MED12L: variants seen among roughly 807,000 people sequenced by gnomAD.
The protein encoded by MED12L is mediator of RNA polymerase II transcription subunit 12-like protein.
In MED12L, 60 loss-of-function variants were observed where a neutral mutation model predicts 281.3. The observed-to-expected ratio is 0.21, with a 90% confidence interval of 0.17 to 0.26. The LOEUF is 0.26. MED12L is among the 10% of genes least tolerant of loss of function. The probability of loss-of-function intolerance (pLI) is 1.00; values close to 1 mark genes in which losing one functional copy is unlikely to be tolerated. For synonymous variants in MED12L, 974 were observed against 987.2 expected, an observed-to-expected ratio of 0.99 and a Z score of 0.25; for missense variants, 2,146 against 2,680.9, an observed-to-expected ratio of 0.80 and a Z score of 4.41.
chr3:151,299,086 C>G (rs1468810850), intron 16 of MED12L, among the ~76,000 whole-genome samples: 1 of 152,136 alleles, frequency 6.6e-6, no homozygotes, highest in Non-Finnish European at 1.5e-5. Flanking sequence ...TAACATAAAG[C>G]TTAATTACCA....
chr3:151,306,649 G>A (rs1395379077), intron 16 of MED12L, among the ~76,000 whole-genome samples: 1 of 152,208 alleles, frequency 6.6e-6, no homozygotes, highest in Non-Finnish European at 1.5e-5. Flanking sequence ...ATCTTGGCAT[G>A]GGTGGGGAGT....
intron 16 of MED12L, among the ~76,000 whole-genome samples, chr3:151,283,428 T>C (rs570422113): frequency 5.3e-5 from 8 of 152,380 alleles, no homozygotes; most frequent in Admixed American, 5.2e-4. Context: ...GTATTTTTTT[T>C]GGAAAGATGC....
At chr3:151,242,647 T>TA (rs1259783976) in intron 16 of MED12L, among the ~76,000 whole-genome samples, 1 of 151,974 alleles carries the variant, frequency 6.6e-6, no homozygotes, top group Non-Finnish European at 1.5e-5. Flanking sequence ...CAAAAGTAGA[T>TA]AAAACCACAA....
rs190965758 is a variant in MED12L at position 151,264,700 on chromosome 3, C to T, written c.2250+71034C>T. 6.5e-3 allele frequency among the ~76,000 whole-genome samples: 994 copies of T among 152,328 alleles called. 23 individuals carry two copies. The highest frequency in any genetic ancestry group is 0.037 in the South Asian group (180 of 4,826). On this transcript the variant is annotated intron_variant, in intron 16 of 44. Coordinates refer to ENST00000687756, the MANE Select transcript of MED12L (RefSeq NM_001393769.1). The stretch of plus-strand genomic sequence containing the variant: ...AGCCTGTGCCCCCTACCCCAGCCAG[C>T]TGCAAGAAGGAGCTCTAAAAACACA...
chr3:151,425,145 C>G (rs1046990317), intron 43 of MED12L, among the ~76,000 whole-genome samples: 16 of 152,196 alleles, frequency 1.1e-4, no homozygotes, highest in Admixed American at 9.8e-4. Context: ...GGCAAGGTGT[C>G]CAGACCATCT....
At chr3:151,215,483 ACT>A (rs1022073509) in intron 16 of MED12L, among the ~76,000 whole-genome samples, 37 of 152,178 alleles carry the variant, frequency 2.4e-4, no homozygotes, top group Middle Eastern at 3.4e-3. Flanking sequence ...ACTTTTTAAG[ACT>A]CTGGCTACTA....
intron 16 of MED12L, among the ~76,000 whole-genome samples, chr3:151,267,311 G>A (rs1559960337): frequency 6.6e-6 from 1 of 152,182 alleles, no homozygotes. Context: ...GGAAATGGTA[G>A]TCATTGAAAT....
In MED12L at chr3:151,265,467, T is replaced by C. The variant is rs140421167; in HGVS notation, c.2250+71801T>C. On this transcript the variant is annotated intron_variant, in intron 16 of 44. Coordinates refer to ENST00000687756, the MANE Select transcript of MED12L (RefSeq NM_001393769.1). ...ACTCTTATATTTGTGTCTTACACCA[T>C]GAGAGCCTTTTCGAGTCTTTATTCT... 5.1e-3 allele frequency among the ~76,000 whole-genome samples: 772 copies of C among 152,338 alleles called. 12 individuals are homozygous for C. Among genetic ancestry groups the C allele is most frequent in the African/African-American group, 0.017 (720 of 41,566 alleles).
At chr3:151,141,195 T>TG (rs1313819211) in intron 5 of MED12L, among the ~76,000 whole-genome samples, 2 of 146,588 alleles carry the variant, frequency 1.4e-5, no homozygotes, top group Non-Finnish European at 3.0e-5. Context: ...TTGTTTTTTT[T>TG]TTTTTGTTAG....
chr3:151,247,706 A>C (rs1038048612), intron 16 of MED12L, among the ~76,000 whole-genome samples: 12 of 149,524 alleles, frequency 8.0e-5, no homozygotes, highest in Non-Finnish European at 5.9e-5. Context: ...GCACATGTAT[A>C]CATATGTAAC....
At chr3:151,288,558 C>T (rs186068814) in intron 16 of MED12L, among the ~76,000 whole-genome samples, 1 of 152,250 alleles carries the variant, frequency 6.6e-6, no homozygotes, top group East Asian at 1.9e-4. Flanking sequence ...AGCATTTGAC[C>T]ACTTCATGTT....
At chr3:151,133,084 C>T (rs533331313) in intron 5 of MED12L, among the ~76,000 whole-genome samples, 1 of 152,318 alleles carries the variant, frequency 6.6e-6, no homozygotes, top group Non-Finnish European at 1.5e-5. Context: ...CAAGTGTCAT[C>T]CTTTTCTGGC....
chr3:151,407,986 G>A (rs1360568344), intron 39 of MED12L, among the ~76,000 whole-genome samples: 1 of 152,190 alleles, frequency 6.6e-6, no homozygotes, highest in Non-Finnish European at 1.5e-5. Context: ...ATGATTTTAA[G>A]AGGCTATATG....
rs371749466 is a variant in MED12L, at chr3:151,414,223, G to A, written c.6297+928G>A. ...GCCATTATGTTTACCTGTGTCATTT[G>A]TCTTCAATATTAACAAGCTTGTCCT... On this transcript the variant is annotated intron_variant, in intron 42 of 44. Transcript: ENST00000687756. Among the ~76,000 whole-genome samples the A allele has an allele frequency of 4.6e-5, 7 of 152,270 alleles. No homozygotes were observed. In the South Asian group the frequency reaches 1.4e-3, roughly 32 times the overall value.
chr3:151,269,642 C>T (rs917427788), intron 16 of MED12L: 1 of 389,162 alleles, frequency 2.6e-6, no homozygotes, highest in South Asian at 2.2e-5. Context: ...TATTATTTGA[C>T]GAGTTGAAGT....
intron 2 of MED12L, among the ~76,000 whole-genome samples, chr3:151,093,565 C>G (rs1319589093): frequency 6.6e-6 from 1 of 152,144 alleles, no homozygotes. Context: ...AGTATAGTAC[C>G]TTTTGGTACT....
At chr3:151,377,655 A>G (rs188670034) in intron 30 of MED12L, among the ~76,000 whole-genome samples, 43 of 152,322 alleles carry the variant, frequency 2.8e-4, no homozygotes, top group Admixed American at 2.2e-3. Context: ...AAAATTAGCT[A>G]TTAGTATGCT....
At chr3:151,306,809 A>G (rs961908391) in intron 16 of MED12L, among the ~76,000 whole-genome samples, 1 of 152,224 alleles carries the variant, frequency 6.6e-6, no homozygotes, top group East Asian at 1.9e-4. Flanking sequence ...TGCCAGTTAA[A>G]TGCTGGCTCC....
chr3:151,409,191 A>G, intron 39 of MED12L, 52 bp from the exon 40 acceptor site: 1 of 1,428,304 alleles, frequency 7.0e-7, no homozygotes, highest in Non-Finnish European at 9.5e-7. Context: ...CAGAAGCTCA[A>G]ATCAAGCCCT....
Sources: allele counts gnomAD v4.1 joint callset (sites outside exome capture counted in the v4.1 genomes callset), GRCh38; gene constraint gnomAD v4.1.1; transcripts MANE v1.5; gene names NCBI Gene and HGNC (gene_info 2026-07-23, HGNC 2026-07-21).